The following CSMD1 variants were observed in gnomAD, a reference collection of about 807,000 sequenced individuals.
CSMD1 encodes the protein CUB and sushi domain-containing protein 1.
A neutral mutation model predicts 417.5 loss-of-function variants in CSMD1; 213 were observed. The ratio of observed to expected loss-of-function variants is 0.51; its 90% CI spans 0.46 to 0.57. The LOEUF (loss-of-function observed/expected upper bound fraction) is 0.57. CSMD1 is among the 20% of genes least tolerant of loss of function. The pLI is 0.00. For synonymous variants in CSMD1, 2,862 were observed against 1,736.8 expected (o/e 1.65, Z -16.11); for missense variants, 6,923 against 4,529.7 (o/e 1.53, Z -15.17).
chr8:3,000,728 A>G (rs561372635), intron 52 of CSMD1, among the ~76,000 whole-genome samples: 2 of 152,324 alleles, frequency 1.3e-5, no homozygotes, highest in East Asian at 3.9e-4. Context: ...GATGTGCTGA[A>G]GTTAGCGTGG....
At chr8:4,087,707 C>T (rs909542303) in intron 3 of CSMD1, among the ~76,000 whole-genome samples, 1 of 152,154 alleles carries the variant, frequency 6.6e-6, no homozygotes, top group East Asian at 1.9e-4. Context: ...GGCATCCTGC[C>T]TCCCACACTC....
chr8:4,549,790 G>A (rs1797786042), intron 2 of CSMD1, among the ~76,000 whole-genome samples: 1 of 151,138 alleles, frequency 6.6e-6, no homozygotes, highest in Non-Finnish European at 1.5e-5. Context: ...CTAGCTACTT[G>A]GGAGGCTGAG....
chr8:4,360,524 C>G (rs530158327), intron 3 of CSMD1, among the ~76,000 whole-genome samples: 56 of 152,266 alleles, frequency 3.7e-4, no homozygotes, highest in Non-Finnish European at 7.2e-4. Context: ...GAGTCTGGCT[C>G]TGTCGCCCAG....
At chr8:4,942,371 G>A (rs1808063906) in intron 1 of CSMD1, among the ~76,000 whole-genome samples, 1 of 152,012 alleles carries the variant, frequency 6.6e-6, no homozygotes, top group Non-Finnish European at 1.5e-5. Flanking sequence ...GTAGTTTGAT[G>A]TTTCTTTGCT....
chr8:3,278,201 G>C (rs1802452993), intron 26 of CSMD1, among the ~76,000 whole-genome samples: 1 of 152,136 alleles, frequency 6.6e-6, no homozygotes, highest in Non-Finnish European at 1.5e-5. Flanking sequence ...CCAGAAGAGA[G>C]AGTCAAATAA....
intron 5 of CSMD1, among the ~76,000 whole-genome samples, chr8:3,853,441 A>G (rs966759300): frequency 1.3e-5 from 2 of 152,190 alleles, no homozygotes; most frequent in African/African-American, 2.4e-5. Context: ...ATTTACTCCC[A>G]GGAAATGGTA....
chr8:3,152,218 A>T (rs1430470352), intron 39 of CSMD1, among the ~76,000 whole-genome samples: 1 of 152,184 alleles, frequency 6.6e-6, no homozygotes, highest in Non-Finnish European at 1.5e-5. Context: ...TTGGCGACTC[A>T]CATGTTTTGC....
chr8:4,455,059 G>C (rs1160426065), intron 2 of CSMD1, among the ~76,000 whole-genome samples: 1 of 152,184 alleles, frequency 6.6e-6, no homozygotes, highest in East Asian at 1.9e-4. Flanking sequence ...CCATGTTTAG[G>C]CTGGGAAACT....
At chr8:4,531,440 T>C (rs1796813549) in intron 2 of CSMD1, among the ~76,000 whole-genome samples, 1 of 152,194 alleles carries the variant, frequency 6.6e-6, no homozygotes, top group Non-Finnish European at 1.5e-5. Context: ...TTTCGGTGAG[T>C]AATTTGGTTA....
At chr8:4,865,725 A>T (rs546772767) in intron 1 of CSMD1, among the ~76,000 whole-genome samples, 56 of 152,002 alleles carry the variant, frequency 3.7e-4, no homozygotes, top group African/African-American at 1.3e-3. Context: ...AAATGTATCT[A>T]AATTTACTTA....
chr8:3,532,721 A>G (rs1384075776), intron 10 of CSMD1, among the ~76,000 whole-genome samples: 1 of 152,188 alleles, frequency 6.6e-6, no homozygotes, highest in Non-Finnish European at 1.5e-5. Context: ...TTAAAATAAC[A>G]CTTTCAGTAT....
chr8:4,283,392 G>A (rs1290682801), intron 3 of CSMD1, among the ~76,000 whole-genome samples: 1 of 152,220 alleles, frequency 6.6e-6, no homozygotes, highest in Non-Finnish European at 1.5e-5. Flanking sequence ...GTGCCATGAA[G>A]TGAATTAATT....
At chr8:4,930,760 G>T (rs368012896) in intron 1 of CSMD1, among the ~76,000 whole-genome samples, 1 of 152,162 alleles carries the variant, frequency 6.6e-6, no homozygotes, top group East Asian at 1.9e-4. Context: ...GTGCTAGAAA[G>T]TGTTAAAGTA....
Position 4,169,504 on chromosome 8 carries a change from T to G in CSMD1, c.416-137405A>C, listed in dbSNP as rs75159475. ...TCTGACCACCTCTACTGCGGCCTTGTCTCCATTTTCTCTCCTCCAGATGAA... is the reference window on the plus strand; with the variant it reads ...TCTGACCACCTCTACTGCGGCCTTGGCTCCATTTTCTCTCCTCCAGATGAA... On this transcript the variant is annotated intron_variant, in intron 3 of 69. Transcript: ENST00000635120. Among the ~76,000 whole-genome samples the G allele has an allele frequency of 2.0e-3, 306 of 152,266 alleles. 3 individuals carry two copies. The highest frequency in any genetic ancestry group is 6.8e-4 in the Non-Finnish European group (46 of 68,022).
intron 46 of CSMD1, 59 bp downstream of exon 46, chr8:3,106,469 A>C (rs1311897087): frequency 3.8e-6 from 4 of 1,046,330 alleles, no homozygotes; most frequent in Non-Finnish European, 5.8e-6. Context: ...ACCAATACAA[A>C]CAATACAATT....
chr8:3,787,286 T>A (rs942361795), intron 5 of CSMD1, among the ~76,000 whole-genome samples: 27 of 152,092 alleles, frequency 1.8e-4, no homozygotes, highest in African/African-American at 6.5e-4. Context: ...CATAATCAAT[T>A]TTAGAAAATT....
chr8:4,121,504 T>A (rs1802485866), intron 3 of CSMD1, among the ~76,000 whole-genome samples: 1 of 152,156 alleles, frequency 6.6e-6, no homozygotes, highest in African/African-American at 2.4e-5. Flanking sequence ...ACTATAATAA[T>A]ATTAATTGTA....
intron 2 of CSMD1, among the ~76,000 whole-genome samples, chr8:4,481,241 A>G (rs1026870260): frequency 1.3e-5 from 2 of 152,250 alleles, no homozygotes; most frequent in Non-Finnish European, 2.9e-5. Flanking sequence ...GTCCAAATTT[A>G]GATTTGTACG....
chr8:3,901,193 A>G (rs1394736253), intron 5 of CSMD1, among the ~76,000 whole-genome samples: 1 of 152,158 alleles, frequency 6.6e-6, no homozygotes, highest in Admixed American at 6.5e-5. Context: ...GAATTTATTG[A>G]TCATTCTTCC....
Sources: gnomAD v4.1 joint callset for allele counts (sites outside exome capture counted in the v4.1 genomes callset) on GRCh38, gnomAD v4.1.1 for gene constraint, MANE v1.5 for transcripts, NCBI Gene and HGNC (gene_info 2026-07-23, HGNC 2026-07-21) for gene names.